Variants in LRRC37A2 observed in about 807,000 individuals in gnomAD.
LRRC37A2 encodes leucine-rich repeat-containing protein 37A2.
A neutral mutation model predicts 68.8 loss-of-function variants in LRRC37A2; 9 were observed. That is an observed-to-expected ratio of 0.13 (90% CI 0.08 to 0.23). LRRC37A2 has a LOEUF of 0.23. Ranked by LOEUF, LRRC37A2 falls within the 10% of genes least tolerant of loss-of-function variation. The pLI is 1.00. For synonymous variants in LRRC37A2, 63 were observed against 367.6 expected (o/e 0.17, Z 9.48); for missense variants, 168 against 950.4 (o/e 0.18, Z 10.82).
chr17:46,723,502 A>G, the LRRC37A2 span, among the ~76,000 whole-genome samples: 1 of 152,246 alleles, frequency 6.6e-6, no homozygotes, highest in Non-Finnish European at 1.5e-5. Flanking sequence ...ATCATTGTGT[A>G]TCAAGAGACT....
At chr17:46,736,376 A>G in the LRRC37A2 span, among the ~76,000 whole-genome samples, 12 of 152,198 alleles carry the variant, frequency 7.9e-5, no homozygotes, top group African/African-American at 2.7e-4. Flanking sequence ...ATGGTGCAAC[A>G]AAGTGGTGCT....
At chr17:46,905,629 G>T in the LRRC37A2 span, among the ~76,000 whole-genome samples, 1 of 152,212 alleles carries the variant, frequency 6.6e-6, no homozygotes, top group Non-Finnish European at 1.5e-5. Flanking sequence ...CCATGACCTT[G>T]ACCTTTTGGG....
chr17:46,825,991 C>G, the LRRC37A2 span, among the ~76,000 whole-genome samples: 2 of 152,228 alleles, frequency 1.3e-5, no homozygotes, highest in Non-Finnish European at 2.9e-5. Context: ...CCACTGCACT[C>G]CAGCCTCGGC....
the LRRC37A2 span, among the ~76,000 whole-genome samples, chr17:46,787,465 A>AG: frequency 6.6e-6 from 1 of 152,212 alleles, no homozygotes; most frequent in South Asian, 2.1e-4. Flanking sequence ...ATTAAGGCCC[A>AG]GGGAAGCGAT....
chr17:46,708,800 T>C, the LRRC37A2 span, among the ~76,000 whole-genome samples: 1 of 109,046 alleles, frequency 9.2e-6, no homozygotes, highest in Non-Finnish European at 2.0e-5. Context: ...GGCCACCATT[T>C]ATTTTATATA....
At chr17:46,530,267 G>C (rs2053489791) in intron 6 of LRRC37A2, among the ~76,000 whole-genome samples, 5 of 113,984 alleles carry the variant, frequency 4.4e-5, no homozygotes, top group Admixed American at 1.0e-4. Flanking sequence ...ACTTTGTACA[G>C]AGCCCACCAG....
chr17:46,549,147 G>A, exon 10 of LRRC37A2: 2 of 1,611,524 alleles, frequency 1.2e-6, no homozygotes, highest in South Asian at 1.1e-5. Flanking sequence ...TGAGTAGACT[G>A]ATGCTCGCAA....
At chr17:46,750,563 G>A in the LRRC37A2 span, among the ~76,000 whole-genome samples, 4 of 152,164 alleles carry the variant, frequency 2.6e-5, no homozygotes, top group Non-Finnish European at 5.9e-5. Flanking sequence ...TACTCAACCT[G>A]TACCTCCAGT....
the LRRC37A2 span, among the ~76,000 whole-genome samples, chr17:47,013,652 G>GT: frequency 1.3e-5 from 2 of 152,308 alleles, no homozygotes; most frequent in South Asian, 4.1e-4. Context: ...CCAAAAGAAT[G>GT]TCTCATTGTG....
chr17:46,948,875 G>A, the LRRC37A2 span: 6 of 152,240 alleles, frequency 3.9e-5, no homozygotes, highest in African/African-American at 1.4e-4. Context: ...GGAAAGATGA[G>A]GATGATGATT....
chr17:46,871,960 T>C, the LRRC37A2 span, among the ~76,000 whole-genome samples: 1 of 152,222 alleles, frequency 6.6e-6, no homozygotes, highest in Admixed American at 6.5e-5. Flanking sequence ...ACAGGATTAC[T>C]TGGGCAGCAG....
At chr17:46,501,427 C>T in the LRRC37A2 span, among the ~76,000 whole-genome samples, 2 of 151,228 alleles carry the variant, frequency 1.3e-5, no homozygotes, top group East Asian at 1.9e-4. Context: ...CACCCGCCTT[C>T]GCCTCCCAAA....
chr17:46,959,885 C>T, the LRRC37A2 span, among the ~76,000 whole-genome samples: 2 of 152,264 alleles, frequency 1.3e-5, no homozygotes, highest in African/African-American at 2.4e-5. Flanking sequence ...GCAGGAAGAC[C>T]GATTCATGAG....
the LRRC37A2 span, chr17:46,818,562 G>A: frequency 2.5e-6 from 4 of 1,608,746 alleles, no homozygotes; most frequent in Non-Finnish European, 3.4e-6. Flanking sequence ...CACCGAGCAG[G>A]AGGCCGAGGA....
intron 6 of LRRC37A2, among the ~76,000 whole-genome samples, chr17:46,525,905 G>A (rs1415557439): frequency 4.5e-5 from 4 of 89,276 alleles, no homozygotes; most frequent in African/African-American, 1.4e-4. Context: ...GGATCTGTAC[G>A]GCAGGGTGAC....
the LRRC37A2 span, chr17:47,010,475 T>C: frequency 2.6e-5 from 4 of 152,360 alleles, no homozygotes; most frequent in Admixed American, 2.6e-4. Context: ...TCTTCACAGA[T>C]GTCACCTGTC....
chr17:46,944,098 G>A, the LRRC37A2 span, among the ~76,000 whole-genome samples: 127 of 152,346 alleles, frequency 8.3e-4, no homozygotes, highest in African/African-American at 2.9e-3. Flanking sequence ...GCCAGGCCCA[G>A]GAGGGAAGTA....
chr17:46,992,439 A>T, the LRRC37A2 span, among the ~76,000 whole-genome samples: 5 of 152,184 alleles, frequency 3.3e-5, no homozygotes, highest in Admixed American at 6.5e-5. Context: ...GGGGGTTTTT[A>T]AAAATTCCAA....
chr17:46,933,693 C>T, the LRRC37A2 span: 3 of 146,594 alleles, frequency 2.0e-5, no homozygotes, highest in African/African-American at 5.1e-5. Context: ...ACTAGTGGAG[C>T]AGGGCACAAT....
Sources: allele counts gnomAD v4.1 joint callset (sites outside exome capture counted in the v4.1 genomes callset), GRCh38; gene constraint gnomAD v4.1.1; transcripts MANE v1.5; gene names NCBI Gene and HGNC (gene_info 2026-07-23, HGNC 2026-07-21).